The following REST variants were observed in gnomAD, a reference collection of about 807,000 sequenced individuals.
REST encodes RE1 silencing transcription factor, also known as RE1-silencing transcription factor.
In REST, 1 loss-of-function variant was observed where a neutral mutation model predicts 30.4. That is an observed-to-expected ratio of 0.03 (90% CI 0.01 to 0.16). REST has a LOEUF of 0.16. REST is among the 10% of genes least tolerant of loss of function. The pLI is 1.00. For synonymous variants in REST, 504 were observed against 451.1 expected, an observed-to-expected ratio of 1.12 and a Z score of -1.49; for missense variants, 1,259 against 1,329.5, an observed-to-expected ratio of 0.95 and a Z score of 0.82.
chr4:56,915,672 C>G (rs1397345724), intron 2 of REST, among the ~76,000 whole-genome samples: 1 of 152,132 alleles, frequency 6.6e-6, no homozygotes, highest in Non-Finnish European at 1.5e-5. Flanking sequence ...ATAAACTCAT[C>G]TGGTGCGGAA....
Position 56,907,969 on chromosome 4 carries a change from C to G in REST, c.-254C>G, listed in dbSNP as rs1333934533. 28 of 354,256 alleles carry G rather than the reference C, an allele frequency of 7.9e-5. No individual in the cohort carries two copies. Among genetic ancestry groups the G allele is most frequent in the Non-Finnish European group, 7.1e-5 (14 of 197,870 alleles). 21.9% of individuals were successfully genotyped at this position (354,256 alleles called of 1,614,324 possible). A position where few individuals can be genotyped will look rare whatever the true frequency, so the allele number is the denominator to read the frequency against. On this transcript the variant is annotated 5_prime_UTR_variant, in exon 1 of 4. Transcript: ENST00000309042. The stretch of plus-strand genomic sequence containing the variant: ...GCTCGCGGCGCAGCAGCGGAGCGAG[C>G]GCCGCCGAGGCCCGGGGCCCCAGAC...
chr4:56,911,645 C>T, intron 2 of REST, 109 bp downstream of exon 2: 12 of 912,358 alleles, frequency 1.3e-5, no homozygotes, highest in Non-Finnish European at 2.0e-5. Flanking sequence ...ATCCAGGTTC[C>T]ATTTTGCTAT....
At chr4:56,924,354 A>G (rs891739362) in intron 3 of REST, among the ~76,000 whole-genome samples, 6 of 152,192 alleles carry the variant, frequency 3.9e-5, no homozygotes, top group Admixed American at 1.3e-4. Flanking sequence ...GCTTTCACCT[A>G]TTTGATTATC....
chr4:56,919,752 C>T (rs1156403063), intron 2 of REST, 35 bp from the exon 3 acceptor site: 21 of 1,302,114 alleles, frequency 1.6e-5, no homozygotes, highest in Non-Finnish European at 1.7e-5. Flanking sequence ...TATTTCGTGA[C>T]ATTTAAACAC....
chr4:56,935,327 G>T lies in REST; in HGVS notation c.*3175G>T, dbSNP rs1403876214. Reference sequence around the variant, plus strand: ...TTACAGCTGGTGTTCCTAGTTTCCTGGTTGACCTCAGCAGATGAAGTGAAC... The same window carrying T: ...TTACAGCTGGTGTTCCTAGTTTCCTTGTTGACCTCAGCAGATGAAGTGAAC... On this transcript the variant is annotated 3_prime_UTR_variant, in exon 4 of 4. Coordinates refer to ENST00000309042, the MANE Select transcript of REST (RefSeq NM_005612.5). 13 of 152,124 alleles carry T rather than the reference G, an allele frequency of 8.5e-5. No individual in the cohort carries two copies. The highest frequency in any genetic ancestry group is 8.5e-4 in the Admixed American group (13 of 15,272). 9.4% of individuals were successfully genotyped at this position (152,124 alleles called of 1,614,324 possible). A position where few individuals can be genotyped will look rare whatever the true frequency, so the allele number is the denominator to read the frequency against.
intron 3 of REST, chr4:56,927,736 TC>T: frequency 1.7e-6 from 1 of 595,138 alleles, no homozygotes; most frequent in Non-Finnish European, 2.5e-6. Context: ...TTTTTATGTA[TC>T]AGTGATTGTG....
At chr4:56,929,548 T>A (rs996324323) in intron 3 of REST, among the ~76,000 whole-genome samples, 1 of 152,226 alleles carries the variant, frequency 6.6e-6, no homozygotes, top group East Asian at 1.9e-4. Context: ...CAGAGCCCAA[T>A]TGAACTTTGC....
intron 3 of REST, among the ~76,000 whole-genome samples, chr4:56,920,214 A>T (rs1399435404): frequency 6.6e-6 from 1 of 151,958 alleles, no homozygotes; most frequent in East Asian, 1.9e-4. Flanking sequence ...CTAACAGTAT[A>T]AAGCTGAGAG....
rs1719899122 is a variant in REST at position 56,911,347 on chromosome 4, C to T, written c.709C>T (p.His237Tyr). 6.2e-7 allele frequency: 1 copy of T among 1,614,068 alleles called. No individual in the cohort carries two copies. The highest frequency in any genetic ancestry group is 8.5e-7 in the Non-Finnish European group (1 of 1,180,042). ...TGATCACTATACAGCACACCTGAAACACCACACCAGAGCTGGGGATAATGA... is the reference window on the plus strand; with the variant it reads ...TGATCACTATACAGCACACCTGAAATACCACACCAGAGCTGGGGATAATGA... ...RYDHYTAHLK[H>Y]HTRAGDNERV... Residue 237 changes from histidine to tyrosine, a missense_variant, in exon 2 of 4, where the codon CAC (histidine) becomes TAC (tyrosine). Coordinates refer to ENST00000309042, the MANE Select transcript of REST (RefSeq NM_005612.5).
Position 56,931,701 on chromosome 4 carries a change from A to G in REST, c.2843A>G (p.Lys948Arg), listed in dbSNP as rs901618529. The part of the protein sequence containing the change: ...HQTDSIVCEM[K>R]MDTDQNTREN... ...ACTGACAGTATAGTTTGTGAAATGAAAATGGACACTGATCAGAACACAAGA... is the reference window on the plus strand; with the variant it reads ...ACTGACAGTATAGTTTGTGAAATGAGAATGGACACTGATCAGAACACAAGA... Residue 948 changes from lysine to arginine, a missense_variant, in exon 4 of 4, where the codon AAA becomes AGA. Around this residue, in one of 5 missense-constraint regions of REST, gnomAD observed 856 missense variants for 772.8 expected, o/e 1.11. Transcript: ENST00000309042. The G allele has an allele frequency of 6.2e-7, 1 of 1,614,252 alleles. No individual in the cohort carries two copies. Among genetic ancestry groups the G allele is most frequent in the African/African-American group, 1.3e-5 (1 of 75,058 alleles).
rs768115863 is a variant in REST, at chr4:56,930,837, G to T, written c.1979G>T (p.Gly660Val). The change falls in exon 4 of 4, where the codon GGG becomes GTG. Residue 660 changes from glycine (G) to valine (V), a missense_variant. Gly to Val is a moderately radical substitution (Grantham distance 109). This residue lies in a region of REST where 856 missense variants were observed against 772.8 expected (regional missense o/e 1.11). Coordinates refer to ENST00000309042, the MANE Select transcript of REST (RefSeq NM_005612.5). The stretch of plus-strand genomic sequence containing the variant: ...GTTCAGATGGAGGTGGTTCAGGAGG[G>T]GCCTGCTCAGAAGGAGCTGCTGCCT... ...EPVQMEVVQE[G>V]PAQKELLPPV... The T allele has an allele frequency of 1.2e-6, 2 of 1,612,260 alleles. No individual in the cohort carries two copies. Among genetic ancestry groups the T allele is most frequent in the African/African-American group, 2.7e-5 (2 of 74,850 alleles).
At chr4:56,929,023 C>T (rs1010278497) in intron 3 of REST, among the ~76,000 whole-genome samples, 1 of 152,020 alleles carries the variant, frequency 6.6e-6, no homozygotes, top group African/African-American at 2.4e-5. Flanking sequence ...CTTTGCCTCC[C>T]GAGTAGCTAG....
chr4:56,920,928 C>T (rs1477327485), intron 3 of REST, among the ~76,000 whole-genome samples: 1 of 152,042 alleles, frequency 6.6e-6, no homozygotes, highest in Non-Finnish European at 1.5e-5. Context: ...TGCAGTAGTG[C>T]GATCTCAGCT....
At chr4:56,925,886 C>T (rs894200653) in intron 3 of REST, among the ~76,000 whole-genome samples, 3 of 152,128 alleles carry the variant, frequency 2.0e-5, no homozygotes, top group African/African-American at 4.8e-5. Flanking sequence ...TGGACCCTCG[C>T]ACCTTGATGG....
At chr4:56,922,242 G>A (rs369357477) in intron 3 of REST, 3 of 150,214 alleles carry the variant, frequency 2.0e-5, no homozygotes, top group African/African-American at 7.3e-5. Flanking sequence ...GTTGATAGTT[G>A]TACTAGCTTT....
Position 56,935,828 on chromosome 4 carries a change from TA to T in REST, c.*3679del, listed in dbSNP as rs1163858401. 6.6e-6 allele frequency: 1 copy of T among 152,240 alleles called. No homozygotes were observed. The highest frequency in any genetic ancestry group is 2.4e-5 in the African/African-American group (1 of 41,474). The allele number at this position is 152,240 out of a possible 1,614,324, so 9.4% of individuals were successfully genotyped here. A position where few individuals can be genotyped will look rare whatever the true frequency, so the allele number is the denominator to read the frequency against. On this transcript the variant is annotated 3_prime_UTR_variant, in exon 4 of 4. Coordinates refer to ENST00000309042, the MANE Select transcript of REST (RefSeq NM_005612.5). Reference sequence around the variant, plus strand: ...TTCTGTAAGCATAGTTATGTTGAAATAAAGTTTTAAAAACCATGATGCCTTT... The same window carrying T: ...TTCTGTAAGCATAGTTATGTTGAAATAAGTTTTAAAAACCATGATGCCTTT...
chr4:56,923,613 T>G (rs1484969473), intron 3 of REST, among the ~76,000 whole-genome samples: 2 of 151,964 alleles, frequency 1.3e-5, no homozygotes, highest in Non-Finnish European at 2.9e-5. Flanking sequence ...CCTGGCTGAT[T>G]TTTGTATTTT....
chr4:56,934,548 A>G lies in REST; in HGVS notation c.*2396A>G, dbSNP rs1178890153. 6.6e-6 allele frequency: 1 copy of G among 152,216 alleles called. No individual in the cohort carries two copies. Among genetic ancestry groups the G allele is most frequent in the African/African-American group, 2.4e-5 (1 of 41,470 alleles). 9.4% of individuals were successfully genotyped at this position (152,216 alleles called of 1,614,324 possible). On this transcript the variant is annotated 3_prime_UTR_variant, in exon 4 of 4. Transcript: ENST00000309042. ...AAATAAGGACTTGATTGTCAGGCCT[A>G]TATTAGGTTCTGAACCTTAATGCCA...
Position 56,911,013 on chromosome 4 carries a change from T to G in REST, c.375T>G (p.Phe125Leu), listed in dbSNP as rs770225600. ...ELSVVEPQPV[F>L]EASGAPDIYS... ...GCGTCGTAGAACCTCAGCCTGTATT[T>G]GAGGCATCAGGTGCTCCAGATATTT... Residue 125 changes from phenylalanine (F) to leucine (L), a missense_variant, in exon 2 of 4, where the codon TTT (phenylalanine) becomes TTG (leucine). Transcript: ENST00000309042. 2 of 1,614,220 alleles carry G rather than the reference T, an allele frequency of 1.2e-6. No individual in the cohort carries two copies. The highest frequency in any genetic ancestry group is 3.3e-5 in the Admixed American group (2 of 60,028).
Sources: allele counts gnomAD v4.1 joint callset (sites outside exome capture counted in the v4.1 genomes callset), GRCh38; gene constraint gnomAD v4.1.1; regional missense constraint gnomAD v4.1.1; transcripts MANE v1.5; gene names NCBI Gene and HGNC (gene_info 2026-07-23, HGNC 2026-07-21).